Variants in ANKRD13A observed in about 807,000 individuals in gnomAD.
The protein encoded by ANKRD13A is ankyrin repeat domain-containing protein 13A.
Under a neutral mutation model 81.3 loss-of-function variants are expected in ANKRD13A, and 48 were observed. The ratio of observed to expected loss-of-function variants is 0.59; its 90% confidence interval spans 0.47 to 0.75. The LOEUF (loss-of-function observed/expected upper bound fraction) is 0.75. Ranked by LOEUF, ANKRD13A falls within the 30% of genes least tolerant of loss-of-function variation. The probability of loss-of-function intolerance (pLI) is 0.00; values close to 1 mark genes in which losing one functional copy is unlikely to be tolerated. For synonymous variants in ANKRD13A, 230 were observed against 270.1 expected, an observed-to-expected ratio of 0.85 and a Z score of 1.45; for missense variants, 612 against 734.0, an observed-to-expected ratio of 0.83 and a Z score of 1.92.
chr12:110,022,929 T>G (rs1339596828), intron 6 of ANKRD13A, among the ~76,000 whole-genome samples: 1 of 152,198 alleles, frequency 6.6e-6, no homozygotes, highest in Non-Finnish European at 1.5e-5. Context: ...GGAGCTCTGA[T>G]CCCTCCTGTT....
intron 10 of ANKRD13A, chr12:110,029,179 T>A: frequency 3.6e-6 from 1 of 277,690 alleles, no homozygotes; most frequent in South Asian, 1.0e-4. Flanking sequence ...GCTAACCAGC[T>A]TCAGCTGATC....
chr12:110,033,904 G>A lies in ANKRD13A; in HGVS notation c.1456G>A (p.Glu486Lys), dbSNP rs947717321. The A allele has an allele frequency of 1.2e-6, 2 of 1,613,046 alleles. No homozygotes were observed. The highest frequency in any genetic ancestry group is 1.7e-6 in the Non-Finnish European group (2 of 1,179,586). The change falls in exon 13 of 15, where the codon GAG becomes AAG. Residue 486 changes from glutamate (E) to lysine (K), a missense_variant. Coordinates refer to ENST00000261739, the MANE Select transcript of ANKRD13A (RefSeq NM_033121.2). ...RNVHLQDEDY[E>K]IMQFAIQQSL... Reference sequence around the variant, plus strand: ...TGTGCATTTGCAAGATGAAGATTACGAGATAATGCAGTTTGCCATCCAGCA... The same window carrying A: ...TGTGCATTTGCAAGATGAAGATTACAAGATAATGCAGTTTGCCATCCAGCA...
At chr12:110,012,240 C>A in intron 2 of ANKRD13A, 103 bp downstream of exon 2, 1 of 1,326,590 alleles carries the variant, frequency 7.5e-7, no homozygotes, top group Non-Finnish European at 1.0e-6. Flanking sequence ...TGGTGCATGT[C>A]TGTAGTACCA....
chr12:110,027,702 T>C lies in ANKRD13A; in HGVS notation c.884-3T>C. 1.2e-6 allele frequency: 2 copies of C among 1,614,132 alleles called. No individual in the cohort carries two copies. The highest frequency in any genetic ancestry group is 3.3e-4 in the Middle Eastern group (2 of 6,062). ...AGACTTTAAACTCCCTACCCCTCTGTAGCAGACAGGAACCCGCTGGAATCT... is the reference window on the plus strand; with the variant it reads ...AGACTTTAAACTCCCTACCCCTCTGCAGCAGACAGGAACCCGCTGGAATCT... On this transcript the variant is annotated splice_polypyrimidine_tract_variant and splice_region_variant and intron_variant, in intron 8 of 14. Transcript: ENST00000261739.
intron 1 of ANKRD13A, among the ~76,000 whole-genome samples, chr12:110,004,140 A>G (rs1291206097): frequency 6.6e-6 from 1 of 151,860 alleles, no homozygotes; most frequent in African/African-American, 2.4e-5. Context: ...GCCCGGCAAC[A>G]GTATGAGACT....
chr12:110,015,903 ACT>A (rs559453755), intron 3 of ANKRD13A, among the ~76,000 whole-genome samples: 7 of 150,630 alleles, frequency 4.6e-5, no homozygotes, highest in African/African-American at 1.7e-4. Flanking sequence ...GTAAAATAAC[ACT>A]CTAATATTTA....
At chr12:110,034,499 C>T (rs913519954) in intron 13 of ANKRD13A, among the ~76,000 whole-genome samples, 1 of 152,098 alleles carries the variant, frequency 6.6e-6, no homozygotes, top group African/African-American at 2.4e-5. Flanking sequence ...GGCTGTTCCC[C>T]GGCATGATCA....
chr12:110,029,310 G>T, intron 10 of ANKRD13A, 168 bp from the exon 11 acceptor site: 1 of 653,596 alleles, frequency 1.5e-6, no homozygotes, highest in East Asian at 2.9e-5. Context: ...TTAGGGTGAT[G>T]TGAATTCCTT....
chr12:110,011,953 C>G, intron 1 of ANKRD13A, 52 bp from the exon 2 acceptor site: 1 of 1,531,938 alleles, frequency 6.5e-7, no homozygotes, highest in Non-Finnish European at 8.9e-7. Flanking sequence ...GCACATTTCC[C>G]TATTTTAATG....
In ANKRD13A at chr12:110,023,061, T is replaced by C. The variant is rs528092603; in HGVS notation, c.735-985T>C. Among the ~76,000 whole-genome samples, 6 of 152,332 alleles carry C rather than the reference T, an allele frequency of 3.9e-5. No homozygotes were observed. The South Asian group carries it at 1.2e-3, about 32-fold the overall frequency. On this transcript the variant is annotated intron_variant, in intron 6 of 14. Transcript: ENST00000261739. ...AAATGCTAATAACCGCATATGTTCTTTGTAACGTGGCTAACCTGCTGCTGT... is the reference window on the plus strand; with the variant it reads ...AAATGCTAATAACCGCATATGTTCTCTGTAACGTGGCTAACCTGCTGCTGT...
rs374523074 is a variant in ANKRD13A, at chr12:110,033,937, C to T, written c.1489C>T (p.Leu497=). ...IMQFAIQQSL[L]ESSRSQELSG... is the part of the protein sequence containing the mutation. ...GCAGTTTGCCATCCAGCAAAGTCTG[C>T]TGGAGTCCAGCAGGAGCCAGGTGTG... The change falls in exon 13 of 15, where the codon CTG becomes TTG. Residue 497 remains leucine (L), a synonymous_variant. Coordinates refer to ENST00000261739, the MANE Select transcript of ANKRD13A (RefSeq NM_033121.2). 55 of 1,610,634 alleles carry T rather than the reference C, an allele frequency of 3.4e-5. No individual in the cohort carries two copies. Among genetic ancestry groups the T allele is most frequent in the Non-Finnish European group, 4.3e-5 (51 of 1,178,438 alleles).
chr12:110,021,673 C>A (rs1405017993), intron 6 of ANKRD13A: 1 of 152,270 alleles, frequency 6.6e-6, no homozygotes, highest in Non-Finnish European at 1.5e-5. Context: ...GATCTGCCTA[C>A]TTTGGCCTCC....
chr12:110,003,038 G>A (rs775395329), intron 1 of ANKRD13A, among the ~76,000 whole-genome samples: 1 of 152,200 alleles, frequency 6.6e-6, no homozygotes, highest in South Asian at 2.1e-4. Flanking sequence ...GGTTGCTGAA[G>A]TTGAAACTGT....
Position 110,019,195 on chromosome 12 carries a change from C to A in ANKRD13A, c.601C>A (p.Arg201Ser). 6.2e-7 allele frequency: 1 copy of A among 1,613,660 alleles called. No individual in the cohort carries two copies. Among genetic ancestry groups the A allele is most frequent in the South Asian group, 1.1e-5 (1 of 91,036 alleles). ...NHDDKVVTTE[R>S]FDLSQEMERL... Reference sequence around the variant, plus strand: ...TGATGACAAAGTGGTCACCACCGAACGCTTCGACCTTTCCCAAGAAATGGA... The same window carrying A: ...TGATGACAAAGTGGTCACCACCGAAAGCTTCGACCTTTCCCAAGAAATGGA... The change falls in exon 6 of 15, where the codon CGC becomes AGC. Residue 201 changes from arginine (R) to serine (S), a missense_variant. Transcript: ENST00000261739.
At chr12:110,026,182 C>T (rs561262526) in intron 8 of ANKRD13A, among the ~76,000 whole-genome samples, 2 of 151,700 alleles carry the variant, frequency 1.3e-5, no homozygotes, top group Admixed American at 6.5e-5. Flanking sequence ...AGGCTGGTCT[C>T]GAACTCCTGA....
At chr12:110,006,593 A>G (rs1890253160) in intron 1 of ANKRD13A, among the ~76,000 whole-genome samples, 1 of 150,154 alleles carries the variant, frequency 6.7e-6, no homozygotes, top group African/African-American at 2.5e-5. Context: ...CTCCCATTCC[A>G]TGGGTTGTCT....
chr12:110,023,850 A>T, intron 6 of ANKRD13A, 196 bp from the exon 7 acceptor site: 1 of 515,518 alleles, frequency 1.9e-6, no homozygotes, highest in Non-Finnish European at 3.5e-6. Context: ...CAAATTGATT[A>T]ATAACTGTGG....
rs777439576 is a variant in ANKRD13A, at chr12:110,030,605, A to G, written c.1235-40A>G. ...AATGATAACTATTATTGTTATTCTC[A>G]GTAAAGTTTACTTATAAAAGTTTTT... On this transcript the variant is annotated intron_variant, in intron 11 of 14. Transcript: ENST00000261739. 19 of 1,209,848 alleles carry G rather than the reference A, an allele frequency of 1.6e-5. 1 individual carries two copies. In the South Asian group the frequency reaches 2.4e-4, roughly 16 times the overall value. The allele number at this position is 1,209,848 out of a possible 1,614,324, so 74.9% of individuals were successfully genotyped here.
At chr12:110,014,516 G>A (rs529021281) in intron 3 of ANKRD13A, among the ~76,000 whole-genome samples, 99 of 152,336 alleles carry the variant, frequency 6.5e-4, no homozygotes, top group Non-Finnish European at 1.2e-3. Context: ...TTTGCTTCAA[G>A]TTATAGAGAG....
Sources: gnomAD v4.1 joint callset for allele counts (sites outside exome capture counted in the v4.1 genomes callset) on GRCh38, gnomAD v4.1.1 for gene constraint, MANE v1.5 for transcripts, NCBI Gene and HGNC (gene_info 2026-07-23, HGNC 2026-07-21) for gene names.